The following NXF1 variants were observed in gnomAD, a reference collection of about 807,000 sequenced individuals.
NXF1 encodes the protein mRNA export factor TAP.
NXF1 carries 43 observed loss-of-function variants against 92.4 expected under a neutral mutation model. The ratio of observed to expected loss-of-function variants is 0.47; its 90% CI spans 0.36 to 0.60. The LOEUF is 0.60. Among genes scored for constraint, NXF1 ranks in the 20% least tolerant of loss-of-function variants. The pLI is 0.00. For missense variants in NXF1, 576 were observed against 793.0 expected (o/e 0.73, Z 3.29); for synonymous variants, 288 against 292.2 (o/e 0.99, Z 0.15).
chr11:62,798,656 C>T, intron 10 of NXF1, 81 bp from the exon 11 acceptor site: 3 of 1,597,324 alleles, frequency 1.9e-6, no homozygotes, highest in Non-Finnish European at 2.6e-6. Context: ...ATATACCAAA[C>T]CCGAGGGACA....
rs1201639921 is a variant in NXF1, at chr11:62,796,533, C to A, written c.1213G>T (p.Gly405Trp). ...CCATCATGGTAGGCATCCAGGAGCC[C>A]TTGTCGGTCTCCAGAGTCGTAAATT... ...YAIYDSGDRQ[G>W]LLDAYHDGAC... Residue 405 changes from glycine (G) to tryptophan (W), a missense_variant, in exon 14 of 21, where the codon GGG becomes TGG. Gly to Trp is a radical substitution (Grantham distance 184). Coordinates refer to ENST00000294172, the MANE Select transcript of NXF1 (RefSeq NM_006362.5). 6.2e-7 allele frequency: 1 copy of A among 1,613,894 alleles called. No homozygotes were observed. Among genetic ancestry groups the A allele is most frequent in the Non-Finnish European group, 8.5e-7 (1 of 1,179,954 alleles).
intron 4 of NXF1, 54 bp from the exon 5 acceptor site, chr11:62,802,100 G>C: frequency 6.2e-7 from 1 of 1,605,254 alleles, no homozygotes; most frequent in Non-Finnish European, 8.5e-7. Flanking sequence ...TTGGGGAGGG[G>C]CATTACGCTG....
In NXF1 at chr11:62,803,478, C is replaced by G. The variant is rs751895944; in HGVS notation, c.310G>C (p.Glu104Gln). 1 of 1,613,812 alleles carries G rather than the reference C, an allele frequency of 6.2e-7. No individual in the cohort carries two copies. Among genetic ancestry groups the G allele is most frequent in the East Asian group, 2.2e-5 (1 of 44,882 alleles). Residue 104 changes from glutamate to glutamine, a missense_variant, in exon 3 of 21, where the codon GAG becomes CAG. Transcript: ENST00000294172. ...VTVRRDRAPP[E>Q]RGGAGTSQDG... ...TGGCTGGTGCCAGCCCCTCCTCTCT[C>G]TGGAGGAGCTCTGTCTCTCCGCACA...
chr11:62,802,171 T>C lies in NXF1; in HGVS notation c.453+6A>G. ...TGGCCAGCCAGCCACTCAGGCCTTG[T>C]CTTACCTCAATAGGGGTGAAGGGCA... is the stretch of plus-strand genomic sequence containing the variant. On this transcript the variant is annotated splice_donor_region_variant and intron_variant, in intron 4 of 20. Coordinates refer to ENST00000294172, the MANE Select transcript of NXF1 (RefSeq NM_006362.5). 6.2e-7 allele frequency: 1 copy of C among 1,614,062 alleles called. No homozygotes were observed. Among genetic ancestry groups the C allele is most frequent in the South Asian group, 1.1e-5 (1 of 91,082 alleles).
chr11:62,792,766 TC>T, intron 19 of NXF1, 65 bp from the exon 20 acceptor site: 1 of 1,528,520 alleles, frequency 6.5e-7, no homozygotes, highest in Non-Finnish European at 9.0e-7. Flanking sequence ...GAAAGTCCAC[TC>T]CATAAAAGCA....
In NXF1 at chr11:62,798,555, G is replaced by C; in HGVS notation, c.1037C>G (p.Pro346Arg). The change falls in exon 11 of 21, where the codon CCC (proline) becomes CGC (arginine). Residue 346 changes from proline to arginine, a missense_variant. By Grantham distance (103) the Pro-to-Arg change is moderately radical. Coordinates refer to ENST00000294172, the MANE Select transcript of NXF1 (RefSeq NM_006362.5). ...TYISAIRERF[P>R]KLLRLDGHEL... ...TGGACTTACCAGGCGTAGTAACTTG[G>C]GAAATCGTTCGCGAATGGCGCTGTC... 6.2e-7 allele frequency: 1 copy of C among 1,614,138 alleles called. No individual in the cohort carries two copies. The highest frequency in any genetic ancestry group is 8.5e-7 in the Non-Finnish European group (1 of 1,180,004).
chr11:62,803,708 T>C, intron 2 of NXF1, 84 bp downstream of exon 2: 1 of 1,550,614 alleles, frequency 6.4e-7, no homozygotes, highest in Non-Finnish European at 8.8e-7. Flanking sequence ...CTCTAACAGG[T>C]GGGAAAGGAA....
intron 11 of NXF1, 143 bp downstream of exon 11, chr11:62,798,396 T>C (rs1235802167): frequency 8.1e-7 from 1 of 1,240,124 alleles, no homozygotes; most frequent in Non-Finnish European, 1.1e-6. Flanking sequence ...ATCATGCTGT[T>C]GCACTCCAGC....
chr11:62,803,087 A>G (rs1230841449), intron 3 of NXF1, among the ~76,000 whole-genome samples: 1 of 152,128 alleles, frequency 6.6e-6, no homozygotes, highest in East Asian at 1.9e-4. Flanking sequence ...TTGGGGGGCC[A>G]AGGCGGGCAG....
chr11:62,803,711 G>A, intron 2 of NXF1, 81 bp downstream of exon 2: 4 of 1,550,522 alleles, frequency 2.6e-6, no homozygotes, highest in Non-Finnish European at 3.5e-6. Flanking sequence ...TAACAGGTGG[G>A]AAAGGAAATG....
intron 18 of NXF1, 43 bp downstream of exon 18, chr11:62,794,892 A>G: frequency 1.3e-6 from 2 of 1,567,884 alleles, no homozygotes; most frequent in Non-Finnish European, 1.8e-6. Flanking sequence ...ACTGTTGGCC[A>G]TGGATTAGGA....
chr11:62,802,564 A>G (rs1477122516), intron 3 of NXF1, among the ~76,000 whole-genome samples: 1 of 152,096 alleles, frequency 6.6e-6, no homozygotes, highest in Non-Finnish European at 1.5e-5. Flanking sequence ...AGCTTTCTGG[A>G]GTAGCTAGGA....
In NXF1 at chr11:62,796,994, G is replaced by A; in HGVS notation, c.1178+189C>T. 4.9e-6 allele frequency: 3 copies of A among 606,114 alleles called. No individual in the cohort carries two copies. The South Asian group carries it at 6.0e-5, about 12-fold the overall frequency. 37.5% of individuals were successfully genotyped at this position (606,114 alleles called of 1,614,324 possible). A position where few individuals can be genotyped will look rare whatever the true frequency, so the allele number is the denominator to read the frequency against. ...AGGCAGGAGAATCACTTGAACCCTG[G>A]GAGGCAGAGGTTGCAGTGAGCCAAG... On this transcript the variant is annotated intron_variant, in intron 13 of 20. Transcript: ENST00000294172.
Position 62,800,350 on chromosome 11 carries a change from G to C in NXF1, c.1016+27C>G, listed in dbSNP as rs756744706. On this transcript the variant is annotated intron_variant, in intron 10 of 20. Coordinates refer to ENST00000294172, the MANE Select transcript of NXF1 (RefSeq NM_006362.5). ...GCCTCCCAGGGGGTGAAGGTCCCCAGGAGGGGAGACACAGGCTACAACTGA... is the reference window on the plus strand; with the variant it reads ...GCCTCCCAGGGGGTGAAGGTCCCCACGAGGGGAGACACAGGCTACAACTGA... 3.7e-6 allele frequency: 6 copies of C among 1,613,902 alleles called. No homozygotes were observed. The Admixed American group carries it at 1.0e-4, about 27-fold the overall frequency.
chr11:62,796,622 G>A (rs2084423093), intron 13 of NXF1, 55 bp from the exon 14 acceptor site: 3 of 1,194,828 alleles, frequency 2.5e-6, no homozygotes, highest in Non-Finnish European at 1.2e-6. Flanking sequence ...GCCATACAAG[G>A]ACCCAGTAGC....
intron 10 of NXF1, chr11:62,799,110 T>A: frequency 1.0e-6 from 1 of 983,864 alleles, no homozygotes; most frequent in Admixed American, 6.2e-5. Flanking sequence ...AAAGGCAAGA[T>A]GGGGCAGGGG....
chr11:62,799,727 G>A lies in NXF1; in HGVS notation c.1016+650C>T, dbSNP rs1176291008. On this transcript the variant is annotated intron_variant, in intron 10 of 20. Transcript: ENST00000294172. ...CACCTGCCTTGGGATTCCCTCGCCT[G>A]CTGGCGGGGCCCCAGCTCTGGTCAC... 3 of 986,030 alleles carry A rather than the reference G, an allele frequency of 3.0e-6. No individual in the cohort carries two copies. In the East Asian group the frequency reaches 3.4e-4, roughly 112 times the overall value. The allele number at this position is 986,030 out of a possible 1,614,324, so 61.1% of individuals were successfully genotyped here.
chr11:62,793,123 G>A (rs1057307939), intron 19 of NXF1, among the ~76,000 whole-genome samples: 1 of 150,932 alleles, frequency 6.6e-6, no homozygotes, highest in African/African-American at 2.4e-5. Context: ...TCTGTCACCA[G>A]GCTGGAGTGC....
At position 62,792,451 on chromosome 11, in the gene NXF1, G is replaced by T; in HGVS notation, c.*25C>A. The T allele has an allele frequency of 6.2e-7, 1 of 1,613,776 alleles. No individual in the cohort carries two copies. The highest frequency in any genetic ancestry group is 1.3e-5 in the African/African-American group (1 of 75,034). On this transcript the variant is annotated 3_prime_UTR_variant, in exon 21 of 21. Coordinates refer to ENST00000294172, the MANE Select transcript of NXF1 (RefSeq NM_006362.5). ...ATATCCAAGGACTATTTACAGGGGG[G>T]ACTGCTTCTGAGGCATGACTACGAT...
Sources: allele counts gnomAD v4.1 joint callset (sites outside exome capture counted in the v4.1 genomes callset), GRCh38; gene constraint gnomAD v4.1.1; transcripts MANE v1.5; gene names NCBI Gene and HGNC (gene_info 2026-07-23, HGNC 2026-07-21).